Variants in CHL1 observed in about 807,000 individuals in gnomAD.
CHL1 encodes the protein neural cell adhesion molecule L1-like protein.
A neutral mutation model predicts 141.9 loss-of-function variants in CHL1; 96 were observed. The observed-to-expected ratio is 0.68, with a 90% CI of 0.57 to 0.80. The LOEUF is 0.80. Among genes scored for constraint, CHL1 ranks in the 30% least tolerant of loss-of-function variants. The probability of loss-of-function intolerance (pLI) is 0.00; values close to 1 mark genes in which losing one functional copy is unlikely to be tolerated. For missense variants in CHL1, 1,820 were observed against 1,457.2 expected (o/e 1.25, Z -4.05); for synonymous variants, 613 against 502.2 (o/e 1.22, Z -2.95).
intron 6 of CHL1, among the ~76,000 whole-genome samples, 187 bp downstream of exon 6, chr3:341,103 T>C (rs1702313018): frequency 6.6e-6 from 1 of 152,204 alleles, no homozygotes; most frequent in Admixed American, 6.6e-5. Flanking sequence ...TTTCAAACAG[T>C]GCACTTACCT....
chr3:290,136 C>G (rs1314512288), intron 2 of CHL1, among the ~76,000 whole-genome samples: 1 of 151,934 alleles, frequency 6.6e-6, no homozygotes, highest in Non-Finnish European at 1.5e-5. Context: ...TATTTTTAAA[C>G]AGCAAGTCAT....
At chr3:204,388 G>T (rs1489640695) in intron 1 of CHL1, among the ~76,000 whole-genome samples, 8 of 152,238 alleles carry the variant, frequency 5.3e-5, no homozygotes, top group Non-Finnish European at 1.2e-4. Context: ...TTTGGAGGAA[G>T]TATCCTTCTT....
intron 3 of CHL1, among the ~76,000 whole-genome samples, chr3:325,164 A>C (rs184848383): frequency 0.019 from 2,743 of 141,708 alleles, 44 homozygotes; most frequent in South Asian, 0.063. Flanking sequence ...TTTATTACCC[A>C]AAAAAAAAAA....
intron 9 of CHL1, among the ~76,000 whole-genome samples, chr3:348,136 A>G (rs975487884): frequency 1.3e-5 from 2 of 152,216 alleles, no homozygotes; most frequent in Non-Finnish European, 2.9e-5. Context: ...GGAAGGACAT[A>G]GGTTGAAAAG....
chr3:242,435 A>C (rs1692715564), intron 1 of CHL1, among the ~76,000 whole-genome samples: 1 of 135,502 alleles, frequency 7.4e-6, no homozygotes, highest in Non-Finnish European at 1.6e-5. Context: ...TCTCTACTAA[A>C]AATACAAAAA....
rs771846339 is a variant in CHL1, at chr3:363,280, A to G, written c.1482A>G (p.Thr494=). Residue 494 remains threonine (T), a synonymous_variant, in exon 14 of 28, where the codon ACA becomes ACG. Coordinates refer to ENST00000256509, the MANE Select transcript of CHL1 (RefSeq NM_006614.4). ...GRRYHIYENG[T]LQINRTTEED... Reference sequence around the variant, plus strand: ...GGTATCATATCTATGAAAATGGCACATTGCAGATCAACAGAACCACCGAAG... The same window carrying G: ...GGTATCATATCTATGAAAATGGCACGTTGCAGATCAACAGAACCACCGAAG... 2 of 1,613,764 alleles carry G rather than the reference A, an allele frequency of 1.2e-6. No homozygotes were observed. The highest frequency in any genetic ancestry group is 1.1e-5 in the South Asian group (1 of 91,054).
chr3:393,328 A>C (rs1708402477), intron 23 of CHL1, among the ~76,000 whole-genome samples: 1 of 151,880 alleles, frequency 6.6e-6, no homozygotes, highest in South Asian at 2.1e-4. Context: ...ACTGGTTTTC[A>C]AAAAAATTGT....
intron 2 of CHL1, among the ~76,000 whole-genome samples, chr3:269,840 A>G (rs1695483482): frequency 1.3e-5 from 2 of 152,318 alleles, no homozygotes; most frequent in Non-Finnish European, 1.5e-5. Flanking sequence ...CAGACCCAGT[A>G]TTAAGCAGCT....
At chr3:366,590 C>G (rs974264938) in intron 15 of CHL1, among the ~76,000 whole-genome samples, 4 of 151,262 alleles carry the variant, frequency 2.6e-5, no homozygotes, top group African/African-American at 7.3e-5. Flanking sequence ...GTTTTTGCTA[C>G]TGACTTTTCA....
chr3:341,770 T>C, intron 6 of CHL1, 142 bp from the exon 7 acceptor site: 1 of 632,260 alleles, frequency 1.6e-6, no homozygotes. Context: ...TCATTGTTCC[T>C]GTAGTAAGAC....
At chr3:243,767 C>G (rs545663637) in intron 1 of CHL1, among the ~76,000 whole-genome samples, 3 of 152,266 alleles carry the variant, frequency 2.0e-5, no homozygotes, top group African/African-American at 7.2e-5. Flanking sequence ...TATAAATCTC[C>G]TTAATTAGTA....
At chr3:383,054 C>T (rs942144212) in intron 18 of CHL1, among the ~76,000 whole-genome samples, 1 of 152,090 alleles carries the variant, frequency 6.6e-6, no homozygotes, top group Admixed American at 6.6e-5. Flanking sequence ...ATCTAAATTT[C>T]CAAGATGCGT....
At chr3:240,554 A>G (rs575459961) in intron 1 of CHL1, among the ~76,000 whole-genome samples, 42 of 152,144 alleles carry the variant, frequency 2.8e-4, no homozygotes, top group African/African-American at 9.6e-4. Flanking sequence ...TGGGTTGTCT[A>G]TTTATTCTGC....
In CHL1 at chr3:328,193, C is replaced by G; in HGVS notation, c.224C>G (p.Pro75Arg). The G allele has an allele frequency of 1.2e-6, 2 of 1,604,062 alleles. No individual in the cohort carries two copies. The highest frequency in any genetic ancestry group is 1.7e-6 in the Non-Finnish European group (2 of 1,174,670). The change falls in exon 5 of 28, where the codon CCT becomes CGT. Residue 75 changes from proline to arginine, a missense_variant. By Grantham distance (103) the Pro-to-Arg change is moderately radical (BLOSUM62 -2). Transcript: ENST00000256509. ...PTFSWTKDGN[P>R]FYFTDHRIIP... is the part of the protein sequence containing the mutation. ...TTTTCGTGGACTAAGGATGGCAACC[C>G]TTTTTATTTCACTGACCATCGGATA...
chr3:232,129 T>G (rs1359502546), intron 1 of CHL1, among the ~76,000 whole-genome samples: 1 of 150,798 alleles, frequency 6.6e-6, no homozygotes, highest in Non-Finnish European at 1.5e-5. Flanking sequence ...TCTCCTTAAC[T>G]GAGAAGGTTT....
chr3:325,093 G>C (rs916592694), intron 3 of CHL1, among the ~76,000 whole-genome samples: 1 of 150,892 alleles, frequency 6.6e-6, no homozygotes, highest in South Asian at 2.1e-4. Flanking sequence ...AGTGAGAAAA[G>C]GTTATAAAAT....
chr3:389,220 T>C (rs757928303), intron 19 of CHL1, 32 bp from the exon 20 acceptor site: 1 of 1,533,832 alleles, frequency 6.5e-7, no homozygotes, highest in East Asian at 2.4e-5. Context: ...ACATCTGTGA[T>C]CAGACTAAAT....
Position 298,514 on chromosome 3 carries a change from G to A in CHL1, c.-94-21169G>A, listed in dbSNP as rs574157786. ...CCATTTATATTCAGATACTTGCATA[G>A]CTTTTTCCAGGAGACCATGCCCATA... On this transcript the variant is annotated intron_variant, in intron 2 of 27. Transcript: ENST00000256509. Among the ~76,000 whole-genome samples, 3 of 152,250 alleles carry A rather than the reference G, an allele frequency of 2.0e-5. No homozygotes were observed. In the South Asian group the frequency reaches 6.2e-4, roughly 32 times the overall value.
At chr3:360,891 T>G (rs1439894456) in intron 12 of CHL1, among the ~76,000 whole-genome samples, 1 of 151,044 alleles carries the variant, frequency 6.6e-6, no homozygotes, top group Non-Finnish European at 1.5e-5. Context: ...GATTTCCAAT[T>G]TCATCCATGT....
Sources: allele counts gnomAD v4.1 joint callset (sites outside exome capture counted in the v4.1 genomes callset), GRCh38; gene constraint gnomAD v4.1.1; transcripts MANE v1.5; gene names NCBI Gene and HGNC (gene_info 2026-07-23, HGNC 2026-07-21).